Variants in SCAPER observed in about 807,000 individuals in gnomAD.
SCAPER encodes the protein S phase cyclin A-associated protein in the endoplasmic reticulum.
SCAPER carries 98 observed loss-of-function variants against 182.2 expected under a neutral mutation model. That is an observed-to-expected ratio of 0.54 (90% CI 0.46 to 0.64). The LOEUF is 0.64. Ranked by LOEUF, SCAPER falls within the 30% of genes least tolerant of loss-of-function variation. The pLI, the probability that SCAPER is intolerant of heterozygous loss-of-function variation, is 0.00. For synonymous variants in SCAPER, 605 were observed against 564.6 expected (o/e 1.07, Z -1.01); for missense variants, 1,432 against 1,690.0 (o/e 0.85, Z 2.68).
intron 29 of SCAPER, among the ~76,000 whole-genome samples, chr15:76,358,478 A>G (rs1472831216): frequency 6.6e-6 from 1 of 152,220 alleles, no homozygotes; most frequent in Admixed American, 6.5e-5. Context: ...TGGAGGCTGC[A>G]AGTCTGGTAT....
chr15:76,853,473 T>C (rs1176673121), intron 4 of SCAPER, among the ~76,000 whole-genome samples: 1 of 151,726 alleles, frequency 6.6e-6, no homozygotes, highest in Non-Finnish European at 1.5e-5. Context: ...AAAAATCAAG[T>C]AGGCTTCATC....
intron 25 of SCAPER, among the ~76,000 whole-genome samples, chr15:76,445,567 T>C (rs2047940424): frequency 6.6e-6 from 1 of 152,134 alleles, no homozygotes; most frequent in Non-Finnish European, 1.5e-5. Flanking sequence ...TTCAGGCTTC[T>C]GAGTTAGCCA....
At chr15:76,762,168 A>G (rs376208326) in intron 14 of SCAPER, among the ~76,000 whole-genome samples, 179 of 152,294 alleles carry the variant, frequency 1.2e-3, no homozygotes, top group South Asian at 9.3e-3. Context: ...TCAAGGCAGC[A>G]TATGGTTGGG....
intron 4 of SCAPER, among the ~76,000 whole-genome samples, chr15:76,857,153 C>A (rs62029233): frequency 0.049 from 7,426 of 152,224 alleles, 266 homozygotes; most frequent in Middle Eastern, 0.092. Context: ...CCGCTGAGGG[C>A]TGAATGTGGT....
intron 22 of SCAPER, among the ~76,000 whole-genome samples, chr15:76,616,853 A>G (rs1386520799): frequency 1.3e-5 from 2 of 152,166 alleles, no homozygotes; most frequent in African/African-American, 4.8e-5. Context: ...CAAAATTACA[A>G]GTTTTCAATC....
chr15:76,754,892 C>T (rs1482351091), intron 14 of SCAPER, among the ~76,000 whole-genome samples: 1 of 152,050 alleles, frequency 6.6e-6, no homozygotes, highest in African/African-American at 2.4e-5. Context: ...TCAGTACCTG[C>T]CCTGTGTACA....
rs540880396 is a variant in SCAPER, at chr15:76,854,325, G to A, written c.195+3484C>T. On this transcript the variant is annotated intron_variant, in intron 4 of 31. Coordinates refer to ENST00000563290, the MANE Select transcript of SCAPER (RefSeq NM_020843.4). The stretch of plus-strand genomic sequence containing the variant: ...TCTTATACACAACAACAGCCAAGCC[G>A]AGAGTCAAATCAGGAATGCAATCCA... Among the ~76,000 whole-genome samples, 73 of 152,058 alleles carry A rather than the reference G, an allele frequency of 4.8e-4. 1 individual carries two copies. In the South Asian group the frequency reaches 0.014, roughly 29 times the overall value.
chr15:76,713,861 A>G (rs1598322906), intron 17 of SCAPER, among the ~76,000 whole-genome samples: 1 of 152,240 alleles, frequency 6.6e-6, no homozygotes, highest in East Asian at 1.9e-4. Flanking sequence ...CTACTCTACA[A>G]CCCAGCCATT....
intron 4 of SCAPER, among the ~76,000 whole-genome samples, chr15:76,849,141 C>A (rs1429624129): frequency 6.6e-6 from 1 of 152,130 alleles, no homozygotes; most frequent in Non-Finnish European, 1.5e-5. Flanking sequence ...CAACTCCCTG[C>A]TCCCCAACAA....
At chr15:76,548,571 G>A (rs548212199) in intron 23 of SCAPER, among the ~76,000 whole-genome samples, 25 of 152,126 alleles carry the variant, frequency 1.6e-4, no homozygotes, top group African/African-American at 3.9e-4. Context: ...ATCTGTAAGC[G>A]CCACTGGTGA....
intron 17 of SCAPER, among the ~76,000 whole-genome samples, chr15:76,720,745 T>C (rs1050034200): frequency 6.6e-6 from 1 of 152,250 alleles, no homozygotes; most frequent in Non-Finnish European, 1.5e-5. Flanking sequence ...AAGTGTCTGT[T>C]CATATCCTTT....
At chr15:76,605,065 T>C (rs1045449633) in intron 22 of SCAPER, among the ~76,000 whole-genome samples, 94 of 152,314 alleles carry the variant, frequency 6.2e-4, no homozygotes, top group African/African-American at 2.1e-3. Flanking sequence ...CTATGTTGAA[T>C]AGGAGTGGTG....
intron 21 of SCAPER, among the ~76,000 whole-genome samples, chr15:76,658,573 T>C (rs2055864196): frequency 6.6e-6 from 1 of 152,086 alleles, no homozygotes; most frequent in Non-Finnish European, 1.5e-5. Flanking sequence ...TAAAAACTCA[T>C]ACGGAACCAA....
At chr15:76,370,689 T>C (rs1190929870) in intron 29 of SCAPER, among the ~76,000 whole-genome samples, 2 of 152,212 alleles carry the variant, frequency 1.3e-5, no homozygotes, top group Non-Finnish European at 2.9e-5. Context: ...TGCTTCTTTG[T>C]AGAGTCAGTG....
At chr15:76,579,488 T>G (rs1451153779) in intron 22 of SCAPER, among the ~76,000 whole-genome samples, 1 of 150,934 alleles carries the variant, frequency 6.6e-6, no homozygotes, top group Non-Finnish European at 1.5e-5. Flanking sequence ...AAAATATCAA[T>G]TGCAAGCTTC....
At chr15:76,751,582 T>C (rs774040876) in intron 15 of SCAPER, among the ~76,000 whole-genome samples, 20 of 151,714 alleles carry the variant, frequency 1.3e-4, no homozygotes, top group African/African-American at 3.4e-4. Flanking sequence ...CTCACAGATA[T>C]AGTCAAATAA....
At chr15:76,567,375 A>G in intron 23 of SCAPER, 1 of 454,468 alleles carries the variant, frequency 2.2e-6, no homozygotes, top group African/African-American at 2.0e-5. Flanking sequence ...TGCCTGGTGG[A>G]TATATGCATT....
intron 26 of SCAPER, among the ~76,000 whole-genome samples, chr15:76,414,584 A>C (rs2045528117): frequency 6.6e-6 from 1 of 152,198 alleles, no homozygotes; most frequent in African/African-American, 2.4e-5. Flanking sequence ...CAAGGAAAAA[A>C]AAAATTGTCA....
chr15:76,365,623 C>CATATATATAT (rs1184497683), intron 29 of SCAPER, among the ~76,000 whole-genome samples: 2 of 152,134 alleles, frequency 1.3e-5, no homozygotes, highest in African/African-American at 2.4e-5. Context: ...ACAGACTCAC[C>CATATATATAT]ATATCATCGT....
Sources: allele counts gnomAD v4.1 joint callset (sites outside exome capture counted in the v4.1 genomes callset), GRCh38; gene constraint gnomAD v4.1.1; transcripts MANE v1.5; gene names NCBI Gene and HGNC (gene_info 2026-07-23, HGNC 2026-07-21).